Variants in MITD1 observed in about 807,000 individuals in gnomAD.
MITD1 encodes MIT domain-containing protein 1.
Under a neutral mutation model 34.9 loss-of-function variants are expected in MITD1, and 24 were observed. That is an observed-to-expected ratio of 0.69 (90% CI 0.50 to 0.97). MITD1 has a LOEUF of 0.97. Ranked by LOEUF, MITD1 falls within the 50% of genes least tolerant of loss-of-function variation. The pLI is 0.00. For missense variants in MITD1, 266 were observed against 294.6 expected (o/e 0.90, Z 0.71); for synonymous variants, 102 against 101.4 (o/e 1.01, Z -0.04).
At chr2:99,170,360 A>G (rs1473399569) in intron 5 of MITD1, among the ~76,000 whole-genome samples, 177 bp downstream of exon 5, 1 of 152,052 alleles carries the variant, frequency 6.6e-6, no homozygotes. Context: ...TACTTTGTCA[A>G]AAAGAAAGCC....
At chr2:99,174,062 C>T (rs765395693) in intron 1 of MITD1, 46 bp from the exon 2 acceptor site, 4 of 1,029,054 alleles carry the variant, frequency 3.9e-6, no homozygotes, top group Non-Finnish European at 5.7e-6. Flanking sequence ...AATAGTTTTT[C>T]TATTTAATTT....
chr2:99,168,014 C>T (rs2093834596), downstream of MITD1, among the ~76,000 whole-genome samples: 1 of 152,152 alleles, frequency 6.6e-6, no homozygotes, highest in Non-Finnish European at 1.5e-5. Context: ...TACCTTTGGT[C>T]CTCTACACTG....
chr2:99,171,524 T>C lies in MITD1; in HGVS notation c.376A>G (p.Arg126Gly). ...TGTTCACATACCTGATGAGTATGTCTAATATAAGGATCTTCTATCCAAACT... is the reference window on the plus strand; with the variant it reads ...TGTTCACATACCTGATGAGTATGTCCAATATAAGGATCTTCTATCCAAACT... The part of the protein sequence containing the change: ...TEVWIEDPYI[R>G]HTHQLYNFLR... Residue 126 changes from arginine to glycine, a missense_variant, in exon 3 of 7, where the codon AGA becomes GGA. By Grantham distance (125) the Arg-to-Gly change is moderately radical. Transcript: ENST00000289359. The C allele has an allele frequency of 6.2e-7, 1 of 1,609,028 alleles. No individual in the cohort carries two copies. Among genetic ancestry groups the C allele is most frequent in the South Asian group, 1.1e-5 (1 of 90,908 alleles).
At chr2:99,164,426 C>G (rs898359596), downstream of MITD1, among the ~76,000 whole-genome samples, 3 of 152,050 alleles carry the variant, frequency 2.0e-5, no homozygotes, top group African/African-American at 4.8e-5. Context: ...CTCAAGTGAT[C>G]CTGTTGCCTC....
chr2:99,169,440 C>CA lies in MITD1; in HGVS notation c.684dup (p.Asp229Ter), dbSNP rs2093842652. On this transcript the variant is annotated frameshift_variant, in exon 7 of 7. Transcript: ENST00000289359. LOFTEE classifies it high-confidence loss of function. ...GTTGTTTCATGACATGGTCTTAAAT[C>CA]AAAATCACAATATCCAAGGGAAAAA... The CA allele has an allele frequency of 1.0e-5, 8 of 771,044 alleles. No individual in the cohort carries two copies. In the East Asian group the frequency reaches 3.8e-4, roughly 36 times the overall value. 47.8% of individuals were successfully genotyped at this position (771,044 alleles called of 1,614,324 possible). A position where few individuals can be genotyped will look rare whatever the true frequency, so the allele number is the denominator to read the frequency against.
At position 99,170,527 on chromosome 2, in the gene MITD1, G is replaced by A. The variant is rs2093850112; in HGVS notation, c.593+10C>T. The A allele has an allele frequency of 2.3e-6, 3 of 1,306,350 alleles. No homozygotes were observed. The highest frequency in any genetic ancestry group is 3.3e-6 in the Non-Finnish European group (3 of 920,014). The allele number at this position is 1,306,350 out of a possible 1,614,324, so 80.9% of individuals were successfully genotyped here. A position where few individuals can be genotyped will look rare whatever the true frequency, so the allele number is the denominator to read the frequency against. ...ACTGCATAAAAATTAAAACATTATT[G>A]TAGACTAACCTAATTTCTCGGTCAT... On this transcript the variant is annotated intron_variant, in intron 5 of 6. Coordinates refer to ENST00000289359, the MANE Select transcript of MITD1 (RefSeq NM_138798.3).
Position 99,180,982 on chromosome 2 carries a change from A to G in MITD1, c.-1T>C. ...CCTGCCTCAGCCCGGACTTCGCCAT[A>G]ATTCTGGAAGTTCTCCTCCGCCTCA... On this transcript the variant is annotated 5_prime_UTR_variant, in exon 1 of 7. Transcript: ENST00000289359. 1 of 1,612,750 alleles carries G rather than the reference A, an allele frequency of 6.2e-7. No individual in the cohort carries two copies. The highest frequency in any genetic ancestry group is 1.1e-5 in the South Asian group (1 of 90,856).
intron 5 of MITD1, among the ~76,000 whole-genome samples, 194 bp from the exon 6 acceptor site, chr2:99,169,804 T>A (rs1472365550): frequency 6.6e-6 from 1 of 152,188 alleles, no homozygotes; most frequent in Non-Finnish European, 1.5e-5. Context: ...AACAATCAGT[T>A]GATTTAATTA....
At chr2:99,164,482 G>C (rs1338962286), downstream of MITD1, among the ~76,000 whole-genome samples, 1 of 152,148 alleles carries the variant, frequency 6.6e-6, no homozygotes. Flanking sequence ...ACCATGCCCA[G>C]CTCCCTCTGT....
intron 2 of MITD1, chr2:99,173,387 G>A (rs888363762): frequency 9.5e-6 from 4 of 419,676 alleles, no homozygotes; most frequent in Admixed American, 7.5e-5. Flanking sequence ...TAGGAGTAGG[G>A]AACTAATAAT....
downstream of MITD1, chr2:99,161,928 T>C: frequency 6.6e-7 from 1 of 1,525,044 alleles, no homozygotes; most frequent in Non-Finnish European, 8.9e-7. Context: ...TCTCGATGAA[T>C]TAATTTGTTT....
chr2:99,178,483 C>T (rs1428778895), intron 1 of MITD1: 1 of 152,184 alleles, frequency 6.6e-6, no homozygotes, highest in Non-Finnish European at 1.5e-5. Flanking sequence ...AAATTCTCTT[C>T]TATTGTTCAA....
chr2:99,167,871 AGGAACTGTTCT>A (rs1411483414), downstream of MITD1, among the ~76,000 whole-genome samples: 1 of 152,236 alleles, frequency 6.6e-6, no homozygotes, highest in Non-Finnish European at 1.5e-5. Context: ...AAAAAAAATC[AGGAACTGTTCT>A]GGAAGCCCTT....
At chr2:99,163,010 A>C (rs373794530) in intron 7 of MITD1, 1 of 1,609,528 alleles carries the variant, frequency 6.2e-7, no homozygotes, top group Non-Finnish European at 8.5e-7. Flanking sequence ...TACTTAGAAC[A>C]TGTCCACAAG....
intron 1 of MITD1, among the ~76,000 whole-genome samples, chr2:99,175,428 C>G (rs1445822660): frequency 6.6e-6 from 1 of 152,164 alleles, no homozygotes; most frequent in Non-Finnish European, 1.5e-5. Flanking sequence ...CTGATGTTTT[C>G]TCATCATTAG....
intron 1 of MITD1, 104 bp from the exon 2 acceptor site, chr2:99,174,120 T>C (rs904685909): frequency 1.6e-6 from 1 of 642,538 alleles, no homozygotes; most frequent in African/African-American, 1.8e-5. Flanking sequence ...TCCTATCCTC[T>C]AGTATGGCTT....
chr2:99,171,490 A>G lies in MITD1; in HGVS notation c.390+20T>C. The G allele has an allele frequency of 3.8e-6, 6 of 1,597,142 alleles. No homozygotes were observed. In the East Asian group the frequency reaches 1.1e-4, roughly 30 times the overall value. On this transcript the variant is annotated intron_variant, in intron 3 of 6. Coordinates refer to ENST00000289359, the MANE Select transcript of MITD1 (RefSeq NM_138798.3). ...TACATTGAATATGATATTTCATTAT[A>G]TTTTAGTATGTTCACATACCTGATG...
At chr2:99,163,056 GA>G (rs754457101) in intron 7 of MITD1, 1 of 1,553,712 alleles carries the variant, frequency 6.4e-7, no homozygotes, top group South Asian at 1.2e-5. Context: ...TATTCTCTGT[GA>G]AAAAATTAAG....
At chr2:99,177,700 A>G (rs921821403) in intron 1 of MITD1, among the ~76,000 whole-genome samples, 2 of 151,644 alleles carry the variant, frequency 1.3e-5, no homozygotes, top group Admixed American at 6.6e-5. Flanking sequence ...AGAGGGTTTC[A>G]CCATGTTGGC....
Sources: allele counts gnomAD v4.1 joint callset (sites outside exome capture counted in the v4.1 genomes callset), GRCh38; gene constraint gnomAD v4.1.1; transcripts MANE v1.5; gene names NCBI Gene and HGNC (gene_info 2026-07-23, HGNC 2026-07-21).